The following NTM variants were observed in gnomAD, a reference collection of about 807,000 sequenced individuals.
NTM encodes the protein neurotrimin, also known as IgLON family member 2.
A neutral mutation model predicts 42.1 loss-of-function variants in NTM; 13 were observed. The observed-to-expected ratio is 0.31, with a 90% CI of 0.20 to 0.49. The LOEUF is 0.49. Among genes scored for constraint, NTM ranks in the 20% least tolerant of loss-of-function variants. NTM has a pLI of 0.99. For missense variants in NTM, 373 were observed against 452.8 expected, an observed-to-expected ratio of 0.82 and a Z score of 1.60; for synonymous variants, 187 against 179.2, an observed-to-expected ratio of 1.04 and a Z score of -0.35.
At chr11:131,953,294 C>G (rs75167665) in intron 2 of NTM, among the ~76,000 whole-genome samples, 2,712 of 152,126 alleles carry the variant, frequency 0.018, 72 homozygotes, top group African/African-American at 0.063. Flanking sequence ...GATAGTTTCA[C>G]GATATATCTT....
chr11:131,710,160 G>A (rs2076975686), intron 1 of NTM, among the ~76,000 whole-genome samples: 1 of 152,164 alleles, frequency 6.6e-6, no homozygotes, highest in African/African-American at 2.4e-5. Context: ...ACTGGTGCCA[G>A]ATACCAGATT....
At chr11:131,614,962 C>A (rs1035657003) in intron 1 of NTM, among the ~76,000 whole-genome samples, 2 of 152,226 alleles carry the variant, frequency 1.3e-5, no homozygotes, top group African/African-American at 4.8e-5. Context: ...CTCCATTCTG[C>A]CCTCGCCTCC....
At chr11:132,317,413 C>T (rs1005022756) in intron 7 of NTM, among the ~76,000 whole-genome samples, 6 of 152,220 alleles carry the variant, frequency 3.9e-5, no homozygotes, top group African/African-American at 1.2e-4. Context: ...ATATGTATGG[C>T]GTAACCAGCT....
chr11:131,529,841 A>G (rs1239527679), intron 1 of NTM, among the ~76,000 whole-genome samples: 1 of 152,118 alleles, frequency 6.6e-6, no homozygotes, highest in Non-Finnish European at 1.5e-5. Context: ...TGAATAATCT[A>G]CCCTTGGAGG....
At chr11:132,221,335 G>A (rs1034134481) in intron 4 of NTM, among the ~76,000 whole-genome samples, 5 of 152,242 alleles carry the variant, frequency 3.3e-5, no homozygotes, top group African/African-American at 4.8e-5. Flanking sequence ...GGCGAGACAG[G>A]TCTTCTTATT....
intron 2 of NTM, among the ~76,000 whole-genome samples, chr11:132,142,079 G>A (rs1047589130): frequency 1.3e-5 from 2 of 152,248 alleles, no homozygotes; most frequent in Non-Finnish European, 2.9e-5. Flanking sequence ...AGGATGGGCA[G>A]AGAGGATGCC....
chr11:131,927,267 G>A (rs1159781347), intron 2 of NTM, among the ~76,000 whole-genome samples: 4 of 152,136 alleles, frequency 2.6e-5, no homozygotes, highest in Non-Finnish European at 4.4e-5. Context: ...TAAGCATTCA[G>A]TCTGACATTT....
At position 132,335,916 on chromosome 11, in the gene NTM, T is replaced by C. The variant is rs2095869070; in HGVS notation, c.*770T>C. 1 of 152,558 alleles carries C rather than the reference T, an allele frequency of 6.6e-6. No individual in the cohort carries two copies. The allele number at this position is 152,558 out of a possible 1,614,324, so 9.5% of individuals were successfully genotyped here. A position where few individuals can be genotyped will look rare whatever the true frequency, so the allele number is the denominator to read the frequency against. On this transcript the variant is annotated 3_prime_UTR_variant, in exon 9 of 9. Transcript: ENST00000683400. ...ATGTTTGTTAAACAGTAAAAATGAATAGTATACTTCTTAACTAGGTTTACA... is the reference window on the plus strand; with the variant it reads ...ATGTTTGTTAAACAGTAAAAATGAACAGTATACTTCTTAACTAGGTTTACA...
chr11:131,441,737 A>G (rs986440082), intron 1 of NTM, among the ~76,000 whole-genome samples: 2 of 152,312 alleles, frequency 1.3e-5, no homozygotes, highest in African/African-American at 4.8e-5. Flanking sequence ...TGTCTTTTGC[A>G]TTTGGAAGTC....
At chr11:131,883,913 C>CTTTT (rs1565675573) in intron 1 of NTM, among the ~76,000 whole-genome samples, 1 of 152,144 alleles carries the variant, frequency 6.6e-6, no homozygotes, top group Non-Finnish European at 1.5e-5. Flanking sequence ...CTTGACTTTT[C>CTTTT]TTTTATTAAA....
intron 4 of NTM, among the ~76,000 whole-genome samples, chr11:132,293,859 C>A (rs192425803): frequency 8.5e-5 from 13 of 152,228 alleles, no homozygotes; most frequent in African/African-American, 2.9e-4. Flanking sequence ...GCTACAGTGG[C>A]AAGTTTAACA....
intron 8 of NTM, chr11:132,332,323 T>G (rs2095815347): frequency 6.5e-6 from 1 of 152,672 alleles, no homozygotes; most frequent in Admixed American, 6.5e-5. Context: ...TGAGCGCATG[T>G]ACCTGTGGGG....
intron 2 of NTM, among the ~76,000 whole-genome samples, chr11:131,915,280 G>A (rs907799828): frequency 2.0e-5 from 3 of 152,112 alleles, no homozygotes; most frequent in African/African-American, 4.8e-5. Context: ...CTTTGGATTC[G>A]TGTTCCTCTC....
At chr11:131,489,494 C>T (rs575610616) in intron 1 of NTM, among the ~76,000 whole-genome samples, 97 of 152,328 alleles carry the variant, frequency 6.4e-4, no homozygotes, top group Non-Finnish European at 1.1e-3. Context: ...AAAGCAACAT[C>T]GCTATGATTT....
intron 3 of NTM, among the ~76,000 whole-genome samples, chr11:132,148,645 CCACCCCCACTCACACA>C (rs1257130976): frequency 2.0e-5 from 3 of 152,112 alleles, no homozygotes; most frequent in African/African-American, 4.8e-5. Context: ...CTTTCTTCAG[CCACCCCCACTCACACA>C]CACCCCCACA....
chr11:131,846,905 G>C (rs756818571), intron 1 of NTM, among the ~76,000 whole-genome samples: 15 of 152,084 alleles, frequency 9.9e-5, no homozygotes, highest in Non-Finnish European at 1.6e-4. Flanking sequence ...AGGAAGGGAG[G>C]GGCAAGGCAT....
In NTM at chr11:131,812,092, A is replaced by G. The variant is rs1592025123; in HGVS notation, c.83-99472A>G. On this transcript the variant is annotated intron_variant, in intron 1 of 8. Coordinates refer to ENST00000683400, the MANE Select transcript of NTM (RefSeq NM_001352005.2). ...GTAGAGTAACCATATGAAAGACCAG[A>G]GAACTGACTTTAAAACTCCATTTGG... Among the ~76,000 whole-genome samples the G allele has an allele frequency of 2.0e-5, 3 of 152,280 alleles. No homozygotes were observed. In the South Asian group the frequency reaches 6.2e-4, roughly 32 times the overall value.
At chr11:131,877,811 A>G (rs916184365) in intron 1 of NTM, 1 of 152,170 alleles carries the variant, frequency 6.6e-6, no homozygotes, top group Non-Finnish European at 1.5e-5. Flanking sequence ...ACCACAGGAG[A>G]AGAGTCTCCT....
intron 2 of NTM, among the ~76,000 whole-genome samples, chr11:131,957,500 G>T (rs73580799): frequency 2.6e-5 from 4 of 152,098 alleles, no homozygotes; most frequent in African/African-American, 9.7e-5. Flanking sequence ...GTTCACTAGC[G>T]CTAAGATCAT....
Sources: allele counts gnomAD v4.1 joint callset (sites outside exome capture counted in the v4.1 genomes callset), GRCh38; gene constraint gnomAD v4.1.1; transcripts MANE v1.5; gene names NCBI Gene and HGNC (gene_info 2026-07-23, HGNC 2026-07-21).